The following LUZP2 variants were observed in gnomAD, a reference collection of about 807,000 sequenced individuals.
LUZP2 encodes leucine zipper protein 2.
LUZP2 carries 52 observed loss-of-function variants against 51.6 expected under a neutral mutation model. The ratio of observed to expected loss-of-function variants is 1.01; its 90% CI spans 0.81 to 1.27. LUZP2 has a LOEUF of 1.27. LUZP2 is among the 50% of genes most tolerant of loss of function. The pLI is 0.00. For missense variants in LUZP2, 436 were observed against 395.4 expected (o/e 1.10, Z -0.87); for synonymous variants, 154 against 137.3 (o/e 1.12, Z -0.85).
At chr11:24,875,909 A>C (rs1383645416) in intron 5 of LUZP2, among the ~76,000 whole-genome samples, 14 of 150,998 alleles carry the variant, frequency 9.3e-5, no homozygotes, top group Non-Finnish European at 2.1e-4. Context: ...TTCTTTTGAG[A>C]AGTGTCTGTT....
chr11:24,875,809 G>A (rs868455809), intron 5 of LUZP2, among the ~76,000 whole-genome samples: 11 of 152,140 alleles, frequency 7.2e-5, no homozygotes, highest in Non-Finnish European at 1.3e-4. Context: ...CTGGTGTGAG[G>A]TGGTATCTCA....
intron 1 of LUZP2, among the ~76,000 whole-genome samples, chr11:24,499,152 G>A (rs1246791713): frequency 6.6e-6 from 1 of 152,162 alleles, no homozygotes; most frequent in Non-Finnish European, 1.5e-5. Flanking sequence ...CTTCTGCAAT[G>A]CTTGTGGTAT....
intron 9 of LUZP2, among the ~76,000 whole-genome samples, chr11:25,015,708 G>A (rs1857129683): frequency 6.6e-6 from 1 of 152,008 alleles, no homozygotes; most frequent in Non-Finnish European, 1.5e-5. Context: ...GTATCTACAT[G>A]TATTCCTAAA....
intron 6 of LUZP2, among the ~76,000 whole-genome samples, chr11:24,914,185 G>T (rs1034368646): frequency 1.3e-5 from 2 of 152,188 alleles, no homozygotes; most frequent in African/African-American, 2.4e-5. Flanking sequence ...TGTTGGCCAT[G>T]CCTGGGTGAC....
At chr11:24,660,782 G>A (rs968636900) in intron 1 of LUZP2, among the ~76,000 whole-genome samples, 1 of 151,980 alleles carries the variant, frequency 6.6e-6, no homozygotes, top group Non-Finnish European at 1.5e-5. Flanking sequence ...AAACAATTAG[G>A]TGATTTTTCC....
intron 5 of LUZP2, among the ~76,000 whole-genome samples, chr11:24,857,500 A>G (rs7121255): frequency 0.2 from 29,641 of 151,070 alleles, 3,018 homozygotes; most frequent in South Asian, 0.24. Flanking sequence ...AGTCTCTTTA[A>G]CCCAAATTAT....
At chr11:24,839,682 A>T (rs1850964542) in intron 5 of LUZP2, among the ~76,000 whole-genome samples, 1 of 151,638 alleles carries the variant, frequency 6.6e-6, no homozygotes, top group Admixed American at 6.6e-5. Flanking sequence ...TTTCCTTTCA[A>T]AGAATATAGA....
At chr11:24,847,693 G>C (rs2716521) in intron 5 of LUZP2, among the ~76,000 whole-genome samples, 1 of 152,116 alleles carries the variant, frequency 6.6e-6, no homozygotes, top group African/African-American at 2.4e-5. Context: ...CTTAGCATTC[G>C]TTGATGAATA....
At chr11:24,717,566 C>T (rs980799870) in intron 1 of LUZP2, among the ~76,000 whole-genome samples, 3 of 145,844 alleles carry the variant, frequency 2.1e-5, no homozygotes, top group Admixed American at 2.0e-4. Flanking sequence ...TGCCACCACG[C>T]CCGGCTAATT....
At chr11:24,765,069 C>A (rs1860130600) in intron 5 of LUZP2, among the ~76,000 whole-genome samples, 2 of 152,054 alleles carry the variant, frequency 1.3e-5, no homozygotes, top group Non-Finnish European at 2.9e-5. Context: ...ACCAAAAAAG[C>A]TTTGGTCTTT....
intron 5 of LUZP2, among the ~76,000 whole-genome samples, chr11:24,893,512 TA>T (rs1852922064): frequency 6.6e-6 from 1 of 152,098 alleles, no homozygotes; most frequent in Admixed American, 6.6e-5. Context: ...TAAATTTTAT[TA>T]AAATAACAAC....
rs780735414 is a variant in LUZP2, at chr11:24,729,219, G to A, written c.113G>A (p.Arg38Gln). Residue 38 changes from arginine to glutamine, a missense_variant, in exon 2 of 12, where the codon CGA becomes CAA. Transcript: ENST00000336930. ...EKQLKEVFKE[R>Q]STILRQLTKT... is the part of the protein sequence containing the mutation. ...CAGCTGAAAGAAGTCTTTAAGGAGC[G>A]AAGCACCATTCTTCGTCAGCTGACA... 2.0e-5 allele frequency: 31 copies of A among 1,578,122 alleles called. No individual in the cohort carries two copies. Among genetic ancestry groups the A allele is most frequent in the Non-Finnish European group, 2.6e-5 (30 of 1,155,942 alleles).
At chr11:24,558,183 A>C (rs1278000664) in intron 1 of LUZP2, among the ~76,000 whole-genome samples, 2 of 152,096 alleles carry the variant, frequency 1.3e-5, no homozygotes, top group Non-Finnish European at 2.9e-5. Context: ...GGCTCACACC[A>C]GTGGCCCCCA....
intron 5 of LUZP2, among the ~76,000 whole-genome samples, chr11:24,798,583 T>C (rs563867035): frequency 3.3e-5 from 5 of 152,262 alleles, no homozygotes; most frequent in Admixed American, 3.3e-4. Context: ...TTGTGTGCAA[T>C]ACCAAATCAG....
intron 1 of LUZP2, among the ~76,000 whole-genome samples, chr11:24,527,615 C>T (rs1850852499): frequency 6.8e-6 from 1 of 147,984 alleles, no homozygotes; most frequent in Non-Finnish European, 1.5e-5. Flanking sequence ...TTGTTGGCAT[C>T]TTCTAGAAAT....
intron 5 of LUZP2, among the ~76,000 whole-genome samples, chr11:24,826,482 A>G (rs565712336): frequency 2.6e-4 from 40 of 151,166 alleles, no homozygotes; most frequent in Non-Finnish European, 5.2e-4. Context: ...TTCACAGAAC[A>G]CTAGAAAGCC....
At chr11:24,872,730 T>A (rs1212008029) in intron 5 of LUZP2, among the ~76,000 whole-genome samples, 1 of 152,146 alleles carries the variant, frequency 6.6e-6, no homozygotes, top group Non-Finnish European at 1.5e-5. Context: ...TATGACTATA[T>A]GGCATATGCA....
At chr11:24,878,532 G>A (rs1014320833) in intron 5 of LUZP2, among the ~76,000 whole-genome samples, 3 of 151,886 alleles carry the variant, frequency 2.0e-5, no homozygotes, top group South Asian at 2.1e-4. Flanking sequence ...AGTCTTCTTC[G>A]GGTTAACTTT....
At chr11:25,031,036 A>G (rs1857670603) in intron 9 of LUZP2, among the ~76,000 whole-genome samples, 1 of 95,218 alleles carries the variant, frequency 1.1e-5, no homozygotes, top group Non-Finnish European at 1.9e-5. Context: ...TTTTTGAGAC[A>G]GAGTCTCACT....
Sources: allele counts gnomAD v4.1 joint callset (sites outside exome capture counted in the v4.1 genomes callset), GRCh38; gene constraint gnomAD v4.1.1; transcripts MANE v1.5; gene names NCBI Gene and HGNC (gene_info 2026-07-23, HGNC 2026-07-21).